The following ZC3H11A variants were observed in gnomAD, a reference collection of about 807,000 sequenced individuals.
The protein encoded by ZC3H11A is zinc finger CCCH-type containing 11A, also known as zinc finger CCCH domain-containing protein 11A.
A neutral mutation model predicts 90.8 loss-of-function variants in ZC3H11A; 22 were observed. The observed-to-expected ratio is 0.24, with a 90% CI of 0.17 to 0.35. ZC3H11A has a LOEUF of 0.35. Among genes scored for constraint, ZC3H11A ranks in the 10% least tolerant of loss-of-function variants. The pLI is 1.00. For missense variants in ZC3H11A, 701 were observed against 964.9 expected, an observed-to-expected ratio of 0.73 and a Z score of 3.62; for synonymous variants, 294 against 339.8, an observed-to-expected ratio of 0.87 and a Z score of 1.48.
At position 203,830,207 on chromosome 1, in the gene ZC3H11A, A is replaced by T; in HGVS notation, c.700+4A>T. On this transcript the variant is annotated splice_donor_region_variant and intron_variant, in intron 8 of 17. Coordinates refer to ENST00000367210, the MANE Select transcript of ZC3H11A (RefSeq NM_001376342.1). ...GAAAAATCTAAGAAGCAAGGTGGTAAGTCATCACGTTTTGGCATGGATAGT... is the reference window on the plus strand; with the variant it reads ...GAAAAATCTAAGAAGCAAGGTGGTATGTCATCACGTTTTGGCATGGATAGT... 1 of 1,594,214 alleles carries T rather than the reference A, an allele frequency of 6.3e-7. No individual in the cohort carries two copies. Among genetic ancestry groups the T allele is most frequent in the Non-Finnish European group, 8.5e-7 (1 of 1,173,852 alleles).
At chr1:203,819,210 T>C (rs1342488325) in intron 4 of ZC3H11A, among the ~76,000 whole-genome samples, 1 of 147,300 alleles carries the variant, frequency 6.8e-6, no homozygotes, top group East Asian at 1.9e-4. Flanking sequence ...TATGCAATTT[T>C]TTTTTCTTTC....
chr1:203,804,157 T>G lies in ZC3H11A; in HGVS notation c.-146+1141T>G, dbSNP rs868848106. On this transcript the variant is annotated intron_variant, in intron 2 of 17. Transcript: ENST00000367210. ...CATTTTCTTCCTGTATATGTGTTTT[T>G]TTTTTTTTTTTTGAGACAGAGTCTC... 5.3e-5 allele frequency among the ~76,000 whole-genome samples: 8 copies of G among 149,598 alleles called. No homozygotes were observed. The South Asian group carries it at 1.1e-3, about 20-fold the overall frequency.
At chr1:203,834,932 C>G (rs1395806973) in intron 10 of ZC3H11A, among the ~76,000 whole-genome samples, 2 of 152,258 alleles carry the variant, frequency 1.3e-5, no homozygotes, top group Non-Finnish European at 2.9e-5. Context: ...GCATGAGCCA[C>G]TGCTCTGGCC....
intron 2 of ZC3H11A, among the ~76,000 whole-genome samples, chr1:203,804,215 G>T (rs1467297454): frequency 2.0e-5 from 3 of 147,846 alleles, no homozygotes; most frequent in African/African-American, 7.5e-5. Flanking sequence ...GCAGTGGCGT[G>T]ATCTCGATTC....
rs1434875766 is a variant in ZC3H11A, at chr1:203,852,220, A to G, written c.2254A>G (p.Met752Val). 12 of 1,613,466 alleles carry G rather than the reference A, an allele frequency of 7.4e-6. No individual in the cohort carries two copies. Among genetic ancestry groups the G allele is most frequent in the African/African-American group, 6.7e-5 (5 of 74,792 alleles). ...TGGCCCTTCCTCATCCCAAATGAGC[A>G]TGAAAACTCGCCGACTCAGCTCTGC... ...VSGPSSSQMS[M>V]KTRRLSSAST... The change falls in exon 18 of 18, where the codon ATG becomes GTG. Residue 752 changes from methionine (M) to valine (V), a missense_variant. By Grantham distance (21) the Met-to-Val change is conservative. Transcript: ENST00000367210.
chr1:203,804,798 A>G (rs575471538), intron 2 of ZC3H11A, among the ~76,000 whole-genome samples: 1 of 150,514 alleles, frequency 6.6e-6, no homozygotes, highest in East Asian at 2.0e-4. Flanking sequence ...TCAGCCTCCC[A>G]AGTAGCTGAG....
Position 203,837,954 on chromosome 1 carries a change from C to A in ZC3H11A, c.875-12C>A. 1 of 1,603,734 alleles carries A rather than the reference C, an allele frequency of 6.2e-7. No individual in the cohort carries two copies. The highest frequency in any genetic ancestry group is 1.3e-5 in the African/African-American group (1 of 74,446). ...GACTTGAAATCTTAAACTAAGTTCT[C>A]CCTCTTTATAGGCGGTGACAGTGAT... On this transcript the variant is annotated splice_polypyrimidine_tract_variant and intron_variant, in intron 10 of 17. Transcript: ENST00000367210.
At chr1:203,842,859 C>T (rs1407447834) in intron 12 of ZC3H11A, among the ~76,000 whole-genome samples, 3 of 149,988 alleles carry the variant, frequency 2.0e-5, no homozygotes, top group Non-Finnish European at 3.0e-5. Context: ...AATATAACTA[C>T]ATAAGTATAT....
At chr1:203,799,777 A>C in intron 1 of ZC3H11A, 2 of 1,008,098 alleles carry the variant, frequency 2.0e-6, no homozygotes, top group Non-Finnish European at 3.0e-6. Context: ...CTTGAAACAG[A>C]TACCCTACTA....
At position 203,851,128 on chromosome 1, in the gene ZC3H11A, A is replaced by G. The variant is rs758339079; in HGVS notation, c.2174+4A>G. On this transcript the variant is annotated splice_donor_region_variant and intron_variant, in intron 17 of 17. Transcript: ENST00000367210. Reference sequence around the variant, plus strand: ...AAGCAGAAAATCCTAGAGACAGGTAATACTTTGTAATTCTTTCTAAACAAA... The same window carrying G: ...AAGCAGAAAATCCTAGAGACAGGTAGTACTTTGTAATTCTTTCTAAACAAA... 2.5e-6 allele frequency: 4 copies of G among 1,613,882 alleles called. No homozygotes were observed. The highest frequency in any genetic ancestry group is 1.7e-5 in the Admixed American group (1 of 59,990).
intron 4 of ZC3H11A, 109 bp downstream of exon 4, chr1:203,818,798 A>T: frequency 6.6e-7 from 1 of 1,518,570 alleles, no homozygotes; most frequent in Non-Finnish European, 8.9e-7. Context: ...GGCTGAGTGC[A>T]GTGGCTCATG....
Position 203,852,270 on chromosome 1 carries a change from T to C in ZC3H11A, c.2304T>C (p.Ser768=). 1 of 1,613,674 alleles carries C rather than the reference T, an allele frequency of 6.2e-7. No homozygotes were observed. The highest frequency in any genetic ancestry group is 8.5e-7 in the Non-Finnish European group (1 of 1,179,824). The change falls in exon 18 of 18, where the codon TCT becomes TCC. Residue 768 remains serine, a synonymous_variant. Coordinates refer to ENST00000367210, the MANE Select transcript of ZC3H11A (RefSeq NM_001376342.1). ...SSASTGKPPL[S]VEDDFEKLIW... ...CCTCAACAGGAAAGCCCCCACTCTCTGTGGAGGATGATTTTGAGAAACTAA... is the reference window on the plus strand; with the variant it reads ...CCTCAACAGGAAAGCCCCCACTCTCCGTGGAGGATGATTTTGAGAAACTAA...
chr1:203,797,443 T>C lies in ZC3H11A; in HGVS notation c.-1588+1649T>C, dbSNP rs1668919555. 2.4e-5 allele frequency: 31 copies of C among 1,312,646 alleles called. No individual in the cohort carries two copies. The South Asian group carries it at 5.0e-4, about 21-fold the overall frequency. 81.3% of individuals were successfully genotyped at this position (1,312,646 alleles called of 1,614,324 possible). A position where few individuals can be genotyped will look rare whatever the true frequency, so the allele number is the denominator to read the frequency against. ...GAAACTGGAGAAAAGGTAATGCAAG[T>C]AGAGAGGAACAGCTGTATTTCTGCT... On this transcript the variant is annotated intron_variant, in intron 1 of 17. Transcript: ENST00000367210.
intron 2 of ZC3H11A, among the ~76,000 whole-genome samples, chr1:203,815,219 T>TTCTTTTC (rs575430164): frequency 0.099 from 12,872 of 129,542 alleles, 970 homozygotes; most frequent in Non-Finnish European, 0.15. Context: ...TTCTTTTCTT[T>TTCTTTTC]TTTTTTTTTT....
chr1:203,846,519 C>T (rs1241002629), intron 12 of ZC3H11A, among the ~76,000 whole-genome samples: 4 of 151,926 alleles, frequency 2.6e-5, no homozygotes, highest in African/African-American at 4.8e-5. Flanking sequence ...TTATACCTAC[C>T]TTATCAAAGC....
intron 1 of ZC3H11A, chr1:203,799,283 T>A: frequency 1.4e-6 from 1 of 728,672 alleles, no homozygotes; most frequent in East Asian, 2.7e-5. Context: ...TCCTGCATTG[T>A]TTAAATATGG....
chr1:203,825,753 A>G (rs924890378), intron 4 of ZC3H11A, among the ~76,000 whole-genome samples: 2 of 152,114 alleles, frequency 1.3e-5, no homozygotes, highest in African/African-American at 4.8e-5. Flanking sequence ...GGAAAAATGT[A>G]CAGAATTACA....
chr1:203,842,387 A>G (rs906424791), intron 12 of ZC3H11A, among the ~76,000 whole-genome samples: 2 of 152,240 alleles, frequency 1.3e-5, no homozygotes, highest in Non-Finnish European at 2.9e-5. Context: ...ACTCGCGGTC[A>G]GGAGCTGGAG....
chr1:203,850,342 G>C lies in ZC3H11A; in HGVS notation c.1940-173G>C, dbSNP rs183075283. ...TATTGTATCTACATGGTGACCACCTGTAGTGACCACCATGTGACCACAAAT... is the reference window on the plus strand; with the variant it reads ...TATTGTATCTACATGGTGACCACCTCTAGTGACCACCATGTGACCACAAAT... On this transcript the variant is annotated intron_variant, in intron 15 of 17. Coordinates refer to ENST00000367210, the MANE Select transcript of ZC3H11A (RefSeq NM_001376342.1). 4.5e-4 allele frequency: 406 copies of C among 909,998 alleles called. 2 individuals are homozygous for C. The African/African-American group carries it at 5.9e-3, about 13-fold the overall frequency. The allele number at this position is 909,998 out of a possible 1,614,324, so 56.4% of individuals were successfully genotyped here. A position where few individuals can be genotyped will look rare whatever the true frequency, so the allele number is the denominator to read the frequency against.
Sources: allele counts gnomAD v4.1 joint callset (sites outside exome capture counted in the v4.1 genomes callset), GRCh38; gene constraint gnomAD v4.1.1; transcripts MANE v1.5; gene names NCBI Gene and HGNC (gene_info 2026-07-23, HGNC 2026-07-21).